The following ZNF407 variants were observed in gnomAD, a reference collection of about 807,000 sequenced individuals.
ZNF407 encodes zinc finger protein 407.
In ZNF407, 17 loss-of-function variants were observed where a neutral mutation model predicts 131.2. The ratio of observed to expected loss-of-function variants is 0.13; its 90% CI spans 0.09 to 0.19. ZNF407 has a LOEUF of 0.19. Ranked by LOEUF, ZNF407 falls within the 10% of genes least tolerant of loss-of-function variation. ZNF407 has a pLI of 1.00. For synonymous variants in ZNF407, 1,156 were observed against 1,062.0 expected, an observed-to-expected ratio of 1.09 and a Z score of -1.72; for missense variants, 2,681 against 2,830.6, an observed-to-expected ratio of 0.95 and a Z score of 1.20.
At chr18:74,915,309 G>A (rs541270564) in intron 7 of ZNF407, among the ~76,000 whole-genome samples, 3 of 151,014 alleles carry the variant, frequency 2.0e-5, no homozygotes, top group Admixed American at 6.6e-5. Context: ...AGTAAAGAGT[G>A]TTCGAATCGG....
chr18:74,675,999 G>A (rs577393574), intron 3 of ZNF407, among the ~76,000 whole-genome samples: 6 of 152,204 alleles, frequency 3.9e-5, no homozygotes, highest in Non-Finnish European at 7.4e-5. Flanking sequence ...GCTTCTGCAT[G>A]TATAAAAAGA....
At chr18:74,826,400 T>C (rs1446280742) in intron 4 of ZNF407, among the ~76,000 whole-genome samples, 1 of 152,224 alleles carries the variant, frequency 6.6e-6, no homozygotes, top group Non-Finnish European at 1.5e-5. Context: ...AATACTCTTC[T>C]CAAGGTTGAT....
intron 3 of ZNF407, among the ~76,000 whole-genome samples, chr18:74,745,485 C>T (rs1217974017): frequency 6.6e-6 from 1 of 152,166 alleles, no homozygotes; most frequent in African/African-American, 2.4e-5. Flanking sequence ...TTATTTTCCT[C>T]ATCCTTTCTA....
At chr18:74,661,516 A>T (rs935874718) in intron 3 of ZNF407, among the ~76,000 whole-genome samples, 54 of 151,562 alleles carry the variant, frequency 3.6e-4, no homozygotes, top group Non-Finnish European at 2.8e-4. Flanking sequence ...ATGTGATTTT[A>T]ATGAGAAATA....
At chr18:74,876,456 A>G (rs1188276427) in intron 4 of ZNF407, among the ~76,000 whole-genome samples, 2 of 152,220 alleles carry the variant, frequency 1.3e-5, no homozygotes, top group Non-Finnish European at 2.9e-5. Context: ...GGAAGTATTC[A>G]AGGTTCTGTT....
chr18:74,789,633 C>T (rs1348979448), intron 4 of ZNF407, among the ~76,000 whole-genome samples: 3 of 152,268 alleles, frequency 2.0e-5, no homozygotes, highest in Admixed American at 2.0e-4. Flanking sequence ...GCGTGCAGTG[C>T]AGAGCCCAGG....
chr18:75,063,843 A>G lies in ZNF407; in HGVS notation c.6122A>G (p.Gln2041Arg). 6.2e-7 allele frequency: 1 copy of G among 1,609,098 alleles called. No homozygotes were observed. The highest frequency in any genetic ancestry group is 8.5e-7 in the Non-Finnish European group (1 of 1,178,972). ...VAADPEAPEI[Q>R]MFPQAQESPA... ...GCCGACCCCGAGGCCCCCGAGATCC[A>G]GATGTTCCCACAGGCCCAGGAGAGC... Residue 2041 changes from glutamine to arginine, a missense_variant, in exon 9 of 9, where the codon CAG (glutamine) becomes CGG (arginine). Physicochemically the swap from Gln to Arg is conservative, Grantham distance 43. Around this residue, in one of 6 missense-constraint regions of ZNF407, gnomAD observed 620 missense variants for 583.1 expected, o/e 1.06. Transcript: ENST00000299687. The surrounding 1 kb of genome is among the most constrained non-coding windows in gnomAD (Gnocchi z 6.6).
chr18:74,743,261 T>C (rs1371542735), intron 3 of ZNF407, among the ~76,000 whole-genome samples: 2 of 152,196 alleles, frequency 1.3e-5, no homozygotes, highest in East Asian at 1.9e-4. Context: ...ACTCAAAATA[T>C]ATATTTTAAC....
At chr18:74,623,982 A>C (rs1983678415) in intron 1 of ZNF407, among the ~76,000 whole-genome samples, 1 of 152,178 alleles carries the variant, frequency 6.6e-6, no homozygotes, top group African/African-American at 2.4e-5. Context: ...GGGTTTAATA[A>C]CACATCCATT....
chr18:74,718,884 C>T (rs1189425283), intron 3 of ZNF407, among the ~76,000 whole-genome samples: 1 of 152,034 alleles, frequency 6.6e-6, no homozygotes, highest in Non-Finnish European at 1.5e-5. Context: ...CTTTAATTTG[C>T]TGTTCCATTT....
At chr18:74,838,226 T>C (rs1370731128) in intron 4 of ZNF407, among the ~76,000 whole-genome samples, 2 of 152,198 alleles carry the variant, frequency 1.3e-5, no homozygotes, top group Non-Finnish European at 2.9e-5. Flanking sequence ...CAAGAATATA[T>C]TTTTAGATAG....
intron 1 of ZNF407, among the ~76,000 whole-genome samples, chr18:74,607,575 A>G (rs1371977424): frequency 6.6e-6 from 1 of 152,062 alleles, no homozygotes; most frequent in Non-Finnish European, 1.5e-5. Flanking sequence ...ACCACTGGCC[A>G]TTGACGGGGC....
At chr18:74,622,867 A>G (rs1208082403) in intron 1 of ZNF407, among the ~76,000 whole-genome samples, 6 of 143,932 alleles carry the variant, frequency 4.2e-5, no homozygotes, top group East Asian at 2.1e-4. Context: ...TGGGTGTGCA[A>G]ATGCATGTGT....
intron 3 of ZNF407, among the ~76,000 whole-genome samples, chr18:74,722,790 T>C (rs942091592): frequency 6.6e-6 from 1 of 152,236 alleles, no homozygotes; most frequent in African/African-American, 2.4e-5. Context: ...TTGACAATTT[T>C]ATGCAGTTTT....
At chr18:75,018,938 CT>C (rs1449798875) in intron 8 of ZNF407, among the ~76,000 whole-genome samples, 1 of 152,026 alleles carries the variant, frequency 6.6e-6, no homozygotes. Flanking sequence ...CCATTATTTT[CT>C]ATTACCAGTT....
intron 4 of ZNF407, among the ~76,000 whole-genome samples, chr18:74,822,026 G>A (rs993902351): frequency 2.6e-5 from 4 of 152,128 alleles, no homozygotes; most frequent in Non-Finnish European, 5.9e-5. Flanking sequence ...TGACCAGTGA[G>A]GATGAGCTTT....
Position 74,731,914 on chromosome 18 carries a change from A to G in ZNF407, c.4803-49514A>G, listed in dbSNP as rs545300047. On this transcript the variant is annotated intron_variant, in intron 3 of 8. Coordinates refer to ENST00000299687, the MANE Select transcript of ZNF407 (RefSeq NM_017757.3). ...GTGATCTGGAGATCACCGTGGTAGT[A>G]TAGATCATGAAGAACAAGCGCTAGG... Among the ~76,000 whole-genome samples, 62 of 152,164 alleles carry G rather than the reference A, an allele frequency of 4.1e-4. 1 individual carries two copies. The highest frequency in any genetic ancestry group is 2.4e-5 in the African/African-American group (1 of 41,468).
intron 7 of ZNF407, among the ~76,000 whole-genome samples, chr18:74,914,755 A>G (rs1001332108): frequency 2.0e-5 from 3 of 152,152 alleles, no homozygotes; most frequent in Non-Finnish European, 2.9e-5. Flanking sequence ...CCTCTGCACC[A>G]TGGTCGTCTG....
chr18:74,932,124 G>C (rs1971989605), intron 8 of ZNF407, among the ~76,000 whole-genome samples: 1 of 152,036 alleles, frequency 6.6e-6, no homozygotes, highest in Admixed American at 6.6e-5. Flanking sequence ...GAGTTACAAA[G>C]AATAATTTAT....
Sources: gnomAD v4.1 joint callset for allele counts (sites outside exome capture counted in the v4.1 genomes callset) on GRCh38, gnomAD v4.1.1 for gene constraint, gnomAD v4.1.1 regional missense constraint, Gnocchi (gnomAD v3.1) non-coding constraint, MANE v1.5 for transcripts, NCBI Gene and HGNC (gene_info 2026-07-23, HGNC 2026-07-21) for gene names.